Variants in NTNG1 observed in about 807,000 individuals in gnomAD.
NTNG1 encodes netrin-G1.
A neutral mutation model predicts 54.0 loss-of-function variants in NTNG1; 16 were observed. The ratio of observed to expected loss-of-function variants is 0.30; its 90% CI spans 0.20 to 0.45. The LOEUF (loss-of-function observed/expected upper bound fraction) is 0.45. Ranked by LOEUF, NTNG1 falls within the 20% of genes least tolerant of loss-of-function variation. The pLI is 1.00. For synonymous variants in NTNG1, 255 were observed against 263.1 expected (o/e 0.97, Z 0.30); for missense variants, 530 against 678.7 (o/e 0.78, Z 2.43).
At chr1:107,402,932 T>C (rs1412287299) in intron 4 of NTNG1, among the ~76,000 whole-genome samples, 1 of 152,134 alleles carries the variant, frequency 6.6e-6, no homozygotes, top group East Asian at 1.9e-4. Flanking sequence ...CAAATCCTTA[T>C]CCCTTCTGCT....
intron 7 of NTNG1, among the ~76,000 whole-genome samples, chr1:107,472,803 C>T (rs1040625580): frequency 2.0e-5 from 3 of 151,990 alleles, no homozygotes; most frequent in Admixed American, 2.0e-4. Context: ...ACCACAACAA[C>T]AAAAAGTGAT....
At chr1:107,337,803 G>A (rs949092075) in intron 3 of NTNG1, among the ~76,000 whole-genome samples, 2 of 151,968 alleles carry the variant, frequency 1.3e-5, no homozygotes, top group African/African-American at 4.8e-5. Flanking sequence ...TGTTCAACAG[G>A]TTTCGAAGTT....
At chr1:107,226,640 T>A (rs571322297) in intron 2 of NTNG1, among the ~76,000 whole-genome samples, 4 of 152,234 alleles carry the variant, frequency 2.6e-5, no homozygotes, top group African/African-American at 9.6e-5. Flanking sequence ...AATTCAGTGG[T>A]GGAATACCAT....
At chr1:107,241,399 G>A (rs779755404) in intron 2 of NTNG1, among the ~76,000 whole-genome samples, 98 of 152,088 alleles carry the variant, frequency 6.4e-4, no homozygotes, top group Non-Finnish European at 8.2e-4. Context: ...AGGAGGAAGC[G>A]GTAATATTTA....
At chr1:107,449,342 G>T (rs1676485939) in intron 7 of NTNG1, among the ~76,000 whole-genome samples, 1 of 151,986 alleles carries the variant, frequency 6.6e-6, no homozygotes, top group South Asian at 2.1e-4. Context: ...TTCTCTGGGG[G>T]TGGGCTCCAG....
intron 6 of NTNG1, among the ~76,000 whole-genome samples, chr1:107,432,480 C>G (rs996113264): frequency 1.3e-5 from 2 of 152,182 alleles, no homozygotes; most frequent in African/African-American, 4.8e-5. Context: ...ATGACAGCAG[C>G]AATTCCACTC....
At chr1:107,197,816 G>T (rs1658451004) in intron 2 of NTNG1, among the ~76,000 whole-genome samples, 1 of 151,876 alleles carries the variant, frequency 6.6e-6, no homozygotes, top group African/African-American at 2.4e-5. Flanking sequence ...TTGATAATCT[G>T]GTGCACCATG....
chr1:107,369,111 C>G (rs1459515226), intron 3 of NTNG1, among the ~76,000 whole-genome samples: 1 of 152,116 alleles, frequency 6.6e-6, no homozygotes, highest in Non-Finnish European at 1.5e-5. Flanking sequence ...TTTCATTCCA[C>G]TTTATTGATG....
chr1:107,235,140 G>A (rs1661321699), intron 2 of NTNG1, among the ~76,000 whole-genome samples: 1 of 152,132 alleles, frequency 6.6e-6, no homozygotes, highest in African/African-American at 2.4e-5. Flanking sequence ...GACAATAGGG[G>A]AGCTCAACTC....
intron 2 of NTNG1, among the ~76,000 whole-genome samples, chr1:107,184,221 T>C (rs757331361): frequency 6.6e-6 from 1 of 152,102 alleles, no homozygotes; most frequent in Non-Finnish European, 1.5e-5. Context: ...TCTTAATTTC[T>C]GAAGAGCTGT....
intron 2 of NTNG1, among the ~76,000 whole-genome samples, chr1:107,256,195 A>C (rs1435087225): frequency 6.6e-6 from 1 of 152,136 alleles, no homozygotes; most frequent in Non-Finnish European, 1.5e-5. Context: ...CTCCCCACCC[A>C]CAATTTACTT....
rs946936222 is a variant in NTNG1, at chr1:107,203,318, C to CT, written c.246+54488dup. Among the ~76,000 whole-genome samples, 189 of 149,642 alleles carry CT rather than the reference C, an allele frequency of 1.3e-3. No homozygotes were observed. The East Asian group carries it at 0.016, about 12-fold the overall frequency. ...TCTCTTACTCTTTGTCTGAAAATGT[C>CT]TTTTTTTTTGCTGTTTCTTCAGTGT... is the stretch of plus-strand genomic sequence containing the variant. On this transcript the variant is annotated intron_variant, in intron 2 of 7. Transcript: ENST00000370068.
chr1:107,456,356 C>T (rs1179346944), intron 7 of NTNG1, among the ~76,000 whole-genome samples: 1 of 152,190 alleles, frequency 6.6e-6, no homozygotes, highest in Non-Finnish European at 1.5e-5. Context: ...AAGATGTCTA[C>T]ATTCCTACTT....
chr1:107,229,230 A>G (rs895638553), intron 2 of NTNG1, among the ~76,000 whole-genome samples: 5 of 151,584 alleles, frequency 3.3e-5, no homozygotes, highest in African/African-American at 1.2e-4. Flanking sequence ...AGGGCAATCA[A>G]TCTTTGCTCA....
intron 2 of NTNG1, among the ~76,000 whole-genome samples, chr1:107,251,481 C>T (rs1315198609): frequency 6.6e-6 from 1 of 152,162 alleles, no homozygotes; most frequent in African/African-American, 2.4e-5. Flanking sequence ...CTTTACCTCT[C>T]AGCCACTCCT....
At chr1:107,314,123 G>T (rs1667187513) in intron 2 of NTNG1, among the ~76,000 whole-genome samples, 1 of 152,078 alleles carries the variant, frequency 6.6e-6, no homozygotes, top group Non-Finnish European at 1.5e-5. Flanking sequence ...AAAAAATGAA[G>T]GCCAGGTGTG....
intron 2 of NTNG1, among the ~76,000 whole-genome samples, chr1:107,229,898 TTTCCTGAGCA>T (rs1261967065): frequency 2.0e-5 from 3 of 152,138 alleles, no homozygotes; most frequent in African/African-American, 7.2e-5. Context: ...AGGAAATGTA[TTTCCTGAGCA>T]GAGTTGCTCT....
intron 2 of NTNG1, 75 bp from the exon 3 acceptor site, chr1:107,324,207 C>G: frequency 7.2e-7 from 1 of 1,382,124 alleles, no homozygotes; most frequent in Middle Eastern, 1.9e-4. Context: ...TAGCCTCTTA[C>G]TGAGCAACAG....
rs191897817 is a variant in NTNG1 at position 107,464,102 on chromosome 1, T to A, written c.1391-16509T>A. Among the ~76,000 whole-genome samples, 5 of 152,290 alleles carry A rather than the reference T, an allele frequency of 3.3e-5. No individual in the cohort carries two copies. The East Asian group carries it at 5.8e-4, about 18-fold the overall frequency. ...CCTTTGAGTTGTGTGTTTCTTCCCCTTTAGTTAACATAAATAGGGGCATCA... is the reference window on the plus strand; with the variant it reads ...CCTTTGAGTTGTGTGTTTCTTCCCCATTAGTTAACATAAATAGGGGCATCA... On this transcript the variant is annotated intron_variant, in intron 7 of 7. Coordinates refer to ENST00000370068, the MANE Select transcript of NTNG1 (RefSeq NM_001113226.3).
Sources: allele counts gnomAD v4.1 joint callset (sites outside exome capture counted in the v4.1 genomes callset), GRCh38; gene constraint gnomAD v4.1.1; transcripts MANE v1.5; gene names NCBI Gene and HGNC (gene_info 2026-07-23, HGNC 2026-07-21).